Variants in CMTM6 observed in about 807,000 individuals in gnomAD.
CMTM6 encodes CKLF like MARVEL transmembrane domain containing 6.
In CMTM6, 5 loss-of-function variants were observed where a neutral mutation model predicts 13.6. The observed-to-expected ratio is 0.37, with a 90% CI of 0.19 to 0.77. The LOEUF is 0.77. Among genes scored for constraint, CMTM6 ranks in the 30% least tolerant of loss-of-function variants. The pLI is 0.50. For missense variants in CMTM6, 196 were observed against 218.6 expected, an observed-to-expected ratio of 0.90 and a Z score of 0.65; for synonymous variants, 99 against 84.5, an observed-to-expected ratio of 1.17 and a Z score of -0.94.
At chr3:32,486,255 T>C (rs575096122) in intron 3 of CMTM6, among the ~76,000 whole-genome samples, 11 of 152,328 alleles carry the variant, frequency 7.2e-5, no homozygotes, top group African/African-American at 2.2e-4. Context: ...TGTTGTCCAG[T>C]TGCTAGTCAT....
chr3:32,491,768 A>C lies in CMTM6; in HGVS notation c.257T>G (p.Leu86Arg). Residue 86 changes from leucine to arginine, a missense_variant, in exon 2 of 4, where the codon CTG (leucine) becomes CGG (arginine). By Grantham distance (102) the Leu-to-Arg change is moderately radical. Coordinates refer to ENST00000205636, the MANE Select transcript of CMTM6 (RefSeq NM_017801.3). ...ATAAAATGGAGTGCAATACACAATCAGTATAAGGAGACTCAGAAGAAAGGC... is the reference window on the plus strand; with the variant it reads ...ATAAAATGGAGTGCAATACACAATCCGTATAAGGAGACTCAGAAGAAAGGC... The part of the protein sequence containing the change: ...CSAFLLSLLI[L>R]IVYCTPFYER... The C allele has an allele frequency of 6.2e-7, 1 of 1,611,650 alleles. No homozygotes were observed. Among genetic ancestry groups the C allele is most frequent in the Non-Finnish European group, 8.5e-7 (1 of 1,178,938 alleles).
At chr3:32,496,590 C>G (rs539617274) in intron 1 of CMTM6, among the ~76,000 whole-genome samples, 1 of 152,164 alleles carries the variant, frequency 6.6e-6, no homozygotes, top group Admixed American at 6.5e-5. Context: ...GCTCAATGTA[C>G]AAGAAACAAT....
intron 1 of CMTM6, among the ~76,000 whole-genome samples, chr3:32,499,749 C>G (rs1435772915): frequency 6.6e-6 from 1 of 152,100 alleles, no homozygotes; most frequent in African/African-American, 2.4e-5. Flanking sequence ...TAGGTCATAT[C>G]TAAATGGCAG....
At chr3:32,496,133 A>G (rs342764) in intron 1 of CMTM6, among the ~76,000 whole-genome samples, 86,789 of 150,748 alleles carry the variant, frequency 0.58, 25,524 homozygotes, top group African/African-American at 0.69. Context: ...CCCAGGAGGC[A>G]GAGGTTCCAG....
intron 1 of CMTM6, among the ~76,000 whole-genome samples, chr3:32,493,540 C>T (rs1697266638): frequency 6.6e-6 from 1 of 152,070 alleles, no homozygotes; most frequent in Non-Finnish European, 1.5e-5. Flanking sequence ...AATATAAGGT[C>T]TGGAGCTCAA....
intron 1 of CMTM6, among the ~76,000 whole-genome samples, chr3:32,492,635 T>G (rs1453765211): frequency 2.6e-5 from 4 of 152,046 alleles, no homozygotes; most frequent in African/African-American, 9.7e-5. Context: ...GGGCAAATAA[T>G]AGCGACTAGG....
chr3:32,484,037 T>C lies in CMTM6; in HGVS notation c.475A>G (p.Lys159Glu), dbSNP rs1485460499. ...TTTCTCAGCTGGGACTCCTGTCGTT[T>C]TTCATACAGCATAGTGATAAAGTCA... Reference protein sequence around the residue: ...LLDFITMLYEKRQESQLRKPE... With the variant: ...LLDFITMLYEERQESQLRKPE... Residue 159 changes from lysine to glutamate, a missense_variant, in exon 4 of 4, where the codon AAA (lysine) becomes GAA (glutamate). This residue lies in a region of CMTM6 where 111 missense variants were observed against 160.0 expected (regional missense o/e 0.69). Transcript: ENST00000205636. 1.2e-6 allele frequency: 2 copies of C among 1,612,044 alleles called. No individual in the cohort carries two copies. The highest frequency in any genetic ancestry group is 1.7e-6 in the Non-Finnish European group (2 of 1,179,428).
Position 32,481,567 on chromosome 3 carries a change from CTGTT to C in CMTM6, c.*2389_*2392del, listed in dbSNP as rs1697153729. 1 of 152,050 alleles carries C rather than the reference CTGTT, an allele frequency of 6.6e-6. No homozygotes were observed. Among genetic ancestry groups the C allele is most frequent in the South Asian group, 2.1e-4 (1 of 4,830 alleles). The allele number at this position is 152,050 out of a possible 1,614,324, so 9.4% of individuals were successfully genotyped here. A position where few individuals can be genotyped will look rare whatever the true frequency, so the allele number is the denominator to read the frequency against. On this transcript the variant is annotated 3_prime_UTR_variant, in exon 4 of 4. Transcript: ENST00000205636. Reference sequence around the variant, plus strand: ...GTATAAAATATAAAATTTATCATAACTGTTAATTTAAAAATTATTTTAAATTTGA... The same window carrying C: ...GTATAAAATATAAAATTTATCATAACAATTTAAAAATTATTTTAAATTTGA...
Position 32,491,791 on chromosome 3 carries a change from G to A in CMTM6, c.234C>T (p.Ala78=), listed in dbSNP as rs938379174. Residue 78 remains alanine, a synonymous_variant, in exon 2 of 4, where the codon GCC becomes GCT. Transcript: ENST00000205636. The part of the protein sequence containing the change: ...LYFFEFVSCS[A]FLLSLLILIV... ...TCAGTATAAGGAGACTCAGAAGAAA[G>A]GCACTGCAGCTTACAAACTCAAAAA... 3.7e-6 allele frequency: 6 copies of A among 1,613,924 alleles called. No homozygotes were observed. Among genetic ancestry groups the A allele is most frequent in the Non-Finnish European group, 5.1e-6 (6 of 1,179,868 alleles).
Position 32,483,463 on chromosome 3 carries a change from C to A in CMTM6, c.*497G>T, listed in dbSNP as rs996278449. ...TGTTAAGGAAAAAAACCTAGACCAACATTTTAAATATTGGTTTCTTAAATA... is the reference window on the plus strand; with the variant it reads ...TGTTAAGGAAAAAAACCTAGACCAAAATTTTAAATATTGGTTTCTTAAATA... On this transcript the variant is annotated 3_prime_UTR_variant, in exon 4 of 4. Transcript: ENST00000205636. 4.6e-5 allele frequency: 7 copies of A among 152,392 alleles called. No homozygotes were observed. Among genetic ancestry groups the A allele is most frequent in the African/African-American group, 1.7e-4 (7 of 41,542 alleles). 9.4% of individuals were successfully genotyped at this position (152,392 alleles called of 1,614,324 possible).
Position 32,502,728 on chromosome 3 carries a change from C to A in CMTM6, c.18G>T (p.Val6=). MENGA[V]YSPTTEEDPG... is the part of the protein sequence containing the mutation. ...GGTCCTCCTCCGTAGTGGGGCTGTACACCGCTCCGTTCTCCATCGCCTCGG... is the reference window on the plus strand; with the variant it reads ...GGTCCTCCTCCGTAGTGGGGCTGTAAACCGCTCCGTTCTCCATCGCCTCGG... Residue 6 remains valine (V), a synonymous_variant, in exon 1 of 4, where the codon GTG becomes GTT. Transcript: ENST00000205636. 6.5e-7 allele frequency: 1 copy of A among 1,528,152 alleles called. No homozygotes were observed. The highest frequency in any genetic ancestry group is 2.1e-5 in the Admixed American group (1 of 47,442). 94.7% of individuals were successfully genotyped at this position (1,528,152 alleles called of 1,614,324 possible).
intron 1 of CMTM6, among the ~76,000 whole-genome samples, chr3:32,498,652 G>A (rs1234129164): frequency 2.8e-5 from 4 of 144,290 alleles, no homozygotes; most frequent in Non-Finnish European, 4.5e-5. Flanking sequence ...AGGCTGGAGT[G>A]CAGTGGCACG....
At chr3:32,502,493 G>C (rs1212706515) in intron 1 of CMTM6, 115 bp downstream of exon 1, 3 of 1,356,888 alleles carry the variant, frequency 2.2e-6, no homozygotes, top group Non-Finnish European at 3.0e-6. Flanking sequence ...CTAGAGGTGT[G>C]GAAACCTCCT....
chr3:32,502,166 T>C (rs745525651), intron 1 of CMTM6, among the ~76,000 whole-genome samples: 21 of 152,360 alleles, frequency 1.4e-4, no homozygotes, highest in Non-Finnish European at 2.4e-4. Flanking sequence ...TCCAGCAAGT[T>C]AAACTGCCCC....
intron 1 of CMTM6, among the ~76,000 whole-genome samples, chr3:32,501,698 G>T (rs1349100538): frequency 6.6e-6 from 1 of 152,150 alleles, no homozygotes; most frequent in Non-Finnish European, 1.5e-5. Context: ...TTTTTACTTA[G>T]AATGGTTAAA....
chr3:32,489,212 G>A (rs111893960), intron 2 of CMTM6, among the ~76,000 whole-genome samples: 3,061 of 146,474 alleles, frequency 0.021, 47 homozygotes, highest in South Asian at 0.042. Context: ...AGAGGTTGCA[G>A]TGAGCCAAGG....
intron 1 of CMTM6, among the ~76,000 whole-genome samples, chr3:32,492,289 G>A (rs1469555028): frequency 6.6e-6 from 1 of 152,108 alleles, no homozygotes; most frequent in Non-Finnish European, 1.5e-5. Context: ...GGCCAGAAAT[G>A]AGGGAGCATG....
chr3:32,497,459 C>A (rs148656708), intron 1 of CMTM6, among the ~76,000 whole-genome samples: 1 of 149,380 alleles, frequency 6.7e-6, no homozygotes, highest in Non-Finnish European at 1.5e-5. Flanking sequence ...TTACTCATAC[C>A]GTGACACCTG....
intron 1 of CMTM6, among the ~76,000 whole-genome samples, chr3:32,496,701 A>C (rs1456633735): frequency 6.6e-6 from 1 of 152,204 alleles, no homozygotes. Context: ...GATGAGTGGA[A>C]AAGCAGGACT....
Sources: allele counts gnomAD v4.1 joint callset (sites outside exome capture counted in the v4.1 genomes callset), GRCh38; gene constraint gnomAD v4.1.1; regional missense constraint gnomAD v4.1.1; transcripts MANE v1.5; gene names NCBI Gene and HGNC (gene_info 2026-07-23, HGNC 2026-07-21).